SAFB: variants seen among roughly 807,000 people sequenced by gnomAD.
SAFB encodes scaffold attachment factor B, also known as scaffold attachment factor B1.
A neutral mutation model predicts 101.6 loss-of-function variants in SAFB; 15 were observed. The observed-to-expected ratio is 0.15, with a 90% CI of 0.10 to 0.23. The LOEUF is 0.23. SAFB is among the 10% of genes least tolerant of loss of function. The pLI is 1.00. For missense variants in SAFB, 930 were observed against 1,104.1 expected (o/e 0.84, Z 2.23); for synonymous variants, 449 against 407.5 (o/e 1.10, Z -1.23).
chr19:5,663,327 A>T (rs921908934), intron 15 of SAFB, among the ~76,000 whole-genome samples: 1 of 152,224 alleles, frequency 6.6e-6, no homozygotes, highest in Admixed American at 6.5e-5. Context: ...TTTCTCAAAC[A>T]TACTGAAGAG....
intron 5 of SAFB, among the ~76,000 whole-genome samples, chr19:5,647,121 CAT>C (rs2053843233): frequency 6.6e-6 from 1 of 152,178 alleles, no homozygotes; most frequent in South Asian, 2.1e-4. Flanking sequence ...GCACAGGAAA[CAT>C]AAAGGCTGGG....
At chr19:5,638,864 C>T (rs559135851) in intron 2 of SAFB, among the ~76,000 whole-genome samples, 95 of 151,666 alleles carry the variant, frequency 6.3e-4, no homozygotes, top group Non-Finnish European at 1.2e-3. Context: ...GGATTACAGG[C>T]GCCTGCCACC....
At chr19:5,652,814 T>C (rs2053968780) in intron 9 of SAFB, among the ~76,000 whole-genome samples, 1 of 152,160 alleles carries the variant, frequency 6.6e-6, no homozygotes. Flanking sequence ...ATATTTGGAA[T>C]CATTTCTTCA....
chr19:5,641,500 T>G (rs182739800), intron 2 of SAFB, 94 bp from the exon 3 acceptor site: 7 of 1,020,346 alleles, frequency 6.9e-6, no homozygotes, highest in Non-Finnish European at 4.5e-6. Context: ...TCTCAGATGT[T>G]TATAAAGTGA....
At chr19:5,665,179 A>C (rs998350964) in intron 17 of SAFB, 1 of 152,194 alleles carries the variant, frequency 6.6e-6, no homozygotes, top group Non-Finnish European at 1.5e-5. Flanking sequence ...AGCATAGCCA[A>C]GTACTCAGCT....
At chr19:5,668,044 G>T (rs762433215) in intron 20 of SAFB, 118 bp from the exon 21 acceptor site, 5 of 1,469,606 alleles carry the variant, frequency 3.4e-6, no homozygotes, top group Non-Finnish European at 4.6e-6. Flanking sequence ...CCACTCAGGA[G>T]GGGAGGGCAT....
chr19:5,623,296 C>T lies in SAFB; in HGVS notation c.91C>T (p.Leu31Phe), dbSNP rs1298862231. 1.9e-6 allele frequency: 3 copies of T among 1,613,862 alleles called. No homozygotes were observed. The highest frequency in any genetic ancestry group is 1.7e-5 in the Admixed American group (1 of 60,006). ...CTCGTCAGAGACCGGGACGCGGCGCCTCAGCGACCTGCGAGTGATCGATCT... is the reference window on the plus strand; with the variant it reads ...CTCGTCAGAGACCGGGACGCGGCGCTTCAGCGACCTGCGAGTGATCGATCT... ...SASSETGTRR[L>F]SDLRVIDLRA... Residue 31 changes from leucine (L) to phenylalanine (F), a missense_variant, in exon 1 of 21, where the codon CTC (leucine) becomes TTC (phenylalanine). Around this residue, in one of 7 missense-constraint regions of SAFB, gnomAD observed 119 missense variants for 171.4 expected, o/e 0.69. Coordinates refer to ENST00000588852, the MANE Select transcript of SAFB (RefSeq NM_001201338.2).
At chr19:5,664,912 CA>C (rs2054294443) in intron 17 of SAFB, 1 of 171,890 alleles carries the variant, frequency 5.8e-6, no homozygotes, top group African/African-American at 2.4e-5. Context: ...GGTCTGTGCT[CA>C]TTCTCTTCGG....
At chr19:5,626,294 G>A (rs1345353937) in intron 1 of SAFB, 111 bp from the exon 2 acceptor site, 6 of 688,502 alleles carry the variant, frequency 8.7e-6, no homozygotes, top group African/African-American at 3.6e-5. Context: ...TGGTGAGGGC[G>A]GCAGCAGCTT....
intron 2 of SAFB, among the ~76,000 whole-genome samples, chr19:5,635,493 A>G (rs1232136512): frequency 2.6e-5 from 4 of 152,138 alleles, no homozygotes; most frequent in Admixed American, 6.6e-5. Context: ...AGTAGGGAAA[A>G]GGGAAGGTAT....
rs14765 is a variant in SAFB, at chr19:5,667,085, C to T, written c.2374C>T (p.Arg792Trp). The change falls in exon 18 of 21, where the codon CGG becomes TGG. Residue 792 changes from arginine (R) to tryptophan (W), a missense_variant. Around this residue, in one of 7 missense-constraint regions of SAFB, gnomAD observed 318 missense variants for 342.6 expected, o/e 0.93. Transcript: ENST00000588852. This position sits in a 1 kb window ranked among gnomAD's most constrained non-coding sequence, Gnocchi z 4.0. ...CCATGGAGGACCAGAGCGCCACGGC[C>T]GGGACTCCCGCGATGGCTGGGGGGG... is the stretch of plus-strand genomic sequence containing the variant. Reference protein sequence around the residue: ...ERHGGPERHGRDSRDGWGGYG... With the variant: ...ERHGGPERHGWDSRDGWGGYG... 3.7e-6 allele frequency: 6 copies of T among 1,612,392 alleles called. No individual in the cohort carries two copies. Among genetic ancestry groups the T allele is most frequent in the African/African-American group, 1.3e-5 (1 of 74,884 alleles).
At position 5,651,091 on chromosome 19, in the gene SAFB, C is replaced by T. The variant is rs761572725; in HGVS notation, c.1293+19C>T. ...TGGGAAGGTAAGTGCCAGAGCTTTTCTGGAGAAGATACTTTGAAACCAGCG... is the reference window on the plus strand; with the variant it reads ...TGGGAAGGTAAGTGCCAGAGCTTTTTTGGAGAAGATACTTTGAAACCAGCG... On this transcript the variant is annotated intron_variant, in intron 9 of 20. Coordinates refer to ENST00000588852, the MANE Select transcript of SAFB (RefSeq NM_001201338.2). 4.6e-6 allele frequency: 7 copies of T among 1,511,554 alleles called. No homozygotes were observed. In the Admixed American group the frequency reaches 1.3e-4, roughly 27 times the overall value. 93.6% of individuals were successfully genotyped at this position (1,511,554 alleles called of 1,614,324 possible). A position where few individuals can be genotyped will look rare whatever the true frequency, so the allele number is the denominator to read the frequency against.
intron 14 of SAFB, among the ~76,000 whole-genome samples, chr19:5,659,323 A>T (rs2054140770): frequency 6.6e-6 from 1 of 152,108 alleles, no homozygotes; most frequent in South Asian, 2.1e-4. Flanking sequence ...AAATAAGGAC[A>T]ATTAGTTTAA....
chr19:5,649,920 C>G lies in SAFB; in HGVS notation c.1149-6C>G. The G allele has an allele frequency of 6.2e-7, 1 of 1,613,240 alleles. No homozygotes were observed. Among genetic ancestry groups the G allele is most frequent in the East Asian group, 2.2e-5 (1 of 44,868 alleles). On this transcript the variant is annotated splice_region_variant and splice_polypyrimidine_tract_variant and intron_variant, in intron 7 of 20. Coordinates refer to ENST00000588852, the MANE Select transcript of SAFB (RefSeq NM_001201338.2). ...CTTGTGGAGTGACATTGTCTTTTGTCTCTAGTTCTCCCGAAGATGACTCGG... is the reference window on the plus strand; with the variant it reads ...CTTGTGGAGTGACATTGTCTTTTGTGTCTAGTTCTCCCGAAGATGACTCGG...
At chr19:5,666,845 A>C (rs1425739807) in intron 17 of SAFB, 1 of 660,960 alleles carries the variant, frequency 1.5e-6, no homozygotes, top group African/African-American at 1.8e-5. Context: ...CCTTTTTTGT[A>C]CCAGGCCATG....
At chr19:5,664,322 T>C in intron 16 of SAFB, 75 bp from the exon 17 acceptor site, 4 of 1,470,720 alleles carry the variant, frequency 2.7e-6, no homozygotes. Flanking sequence ...TGCTTTTCAT[T>C]GGGGGCCTGA....
intron 5 of SAFB, 37 bp from the exon 6 acceptor site, chr19:5,647,979 T>G: frequency 6.3e-7 from 1 of 1,585,924 alleles, no homozygotes; most frequent in Non-Finnish European, 8.7e-7. Context: ...TAGGTGTCAT[T>G]CATCTGGCAC....
intron 5 of SAFB, among the ~76,000 whole-genome samples, chr19:5,645,994 C>G (rs180721176): frequency 3.2e-4 from 48 of 152,152 alleles, no homozygotes; most frequent in Middle Eastern, 3.4e-3. Context: ...TAGATGAGAA[C>G]AGATGAGTTG....
At chr19:5,634,316 ATAAC>A (rs2053550792) in intron 2 of SAFB, among the ~76,000 whole-genome samples, 1 of 152,094 alleles carries the variant, frequency 6.6e-6, no homozygotes, top group Non-Finnish European at 1.5e-5. Context: ...ATGCACAAGA[ATAAC>A]TAAAATTCTG....
Sources: gnomAD v4.1 joint callset for allele counts (sites outside exome capture counted in the v4.1 genomes callset) on GRCh38, gnomAD v4.1.1 for gene constraint, gnomAD v4.1.1 regional missense constraint, Gnocchi (gnomAD v3.1) non-coding constraint, MANE v1.5 for transcripts, NCBI Gene and HGNC (gene_info 2026-07-23, HGNC 2026-07-21) for gene names.